Variants in ZDHHC14 observed in about 807,000 individuals in gnomAD.
ZDHHC14 encodes palmitoyltransferase ZDHHC14.
A neutral mutation model predicts 47.7 loss-of-function variants in ZDHHC14; 16 were observed. The ratio of observed to expected loss-of-function variants is 0.34; its 90% CI spans 0.23 to 0.51. ZDHHC14 has a LOEUF of 0.51. Ranked by LOEUF, ZDHHC14 falls within the 20% of genes least tolerant of loss-of-function variation. The pLI is 0.97. For synonymous variants in ZDHHC14, 293 were observed against 278.9 expected (o/e 1.05, Z -0.50); for missense variants, 515 against 662.5 (o/e 0.78, Z 2.44).
intron 5 of ZDHHC14, among the ~76,000 whole-genome samples, chr6:157,642,023 A>AAGATAGATAGATAGATAGAT (rs77223982): frequency 3.4e-5 from 5 of 146,608 alleles, no homozygotes; most frequent in East Asian, 2.1e-4. Flanking sequence ...GTATATTTTG[A>AAGATAGATAGATAGATAGAT]AGATAGATAG....
intron 1 of ZDHHC14, among the ~76,000 whole-genome samples, chr6:157,508,808 C>T (rs1185543970): frequency 6.6e-6 from 1 of 151,890 alleles, no homozygotes; most frequent in Non-Finnish European, 1.5e-5. Flanking sequence ...AATTCACCTG[C>T]AATATCTTTC....
intron 1 of ZDHHC14, among the ~76,000 whole-genome samples, chr6:157,493,250 G>A (rs142330556): frequency 0.028 from 4,318 of 152,278 alleles, 98 homozygotes; most frequent in Non-Finnish European, 0.046. Flanking sequence ...AGGGGGAGGC[G>A]GAAAGGCAAG....
intron 3 of ZDHHC14, among the ~76,000 whole-genome samples, chr6:157,611,120 TC>T (rs1185810607): frequency 4.6e-5 from 7 of 152,128 alleles, no homozygotes. Context: ...TGCCTCAGCC[TC>T]CCCGAGTAGC....
Position 157,653,531 on chromosome 6 carries a change from C to T in ZDHHC14, c.972C>T (p.Ile324=), listed in dbSNP as rs1291967537. The change falls in exon 8 of 9, where the codon ATC becomes ATT. Residue 324 remains isoleucine (I), a synonymous_variant. Coordinates refer to ENST00000359775, the MANE Select transcript of ZDHHC14 (RefSeq NM_024630.3). ...ALCGPISPSL[I]DRRGYIQPDT... ...GTTTTCTTTTCTCTCGCAGCCTGAT[C>T]GACAGAAGAGGGTACATCCAGCCCG... 5 of 1,613,518 alleles carry T rather than the reference C, an allele frequency of 3.1e-6. No homozygotes were observed. Among genetic ancestry groups the T allele is most frequent in the South Asian group, 2.2e-5 (2 of 91,070 alleles).
intron 3 of ZDHHC14, among the ~76,000 whole-genome samples, chr6:157,610,857 C>T (rs901203082): frequency 2.0e-5 from 3 of 152,200 alleles, no homozygotes; most frequent in South Asian, 2.1e-4. Context: ...GCAGCCAATT[C>T]GTAATCAGAG....
chr6:157,505,200 A>G (rs1193911455), intron 1 of ZDHHC14, among the ~76,000 whole-genome samples: 1 of 152,242 alleles, frequency 6.6e-6, no homozygotes, highest in Non-Finnish European at 1.5e-5. Context: ...GTTTAAAAGC[A>G]AGGACAGTTT....
chr6:157,554,943 C>G (rs530908978), intron 2 of ZDHHC14, among the ~76,000 whole-genome samples: 1 of 152,308 alleles, frequency 6.6e-6, no homozygotes, highest in African/African-American at 2.4e-5. Context: ...ATTAGGGGTG[C>G]CTGCACCCCT....
At chr6:157,413,893 C>T (rs190475361) in intron 1 of ZDHHC14, among the ~76,000 whole-genome samples, 28 of 149,270 alleles carry the variant, frequency 1.9e-4, no homozygotes, top group African/African-American at 5.0e-4. Flanking sequence ...GACGACACTG[C>T]GCAGGTCACC....
intron 3 of ZDHHC14, among the ~76,000 whole-genome samples, chr6:157,599,349 C>G (rs9457913): frequency 0.018 from 2,750 of 152,282 alleles, 74 homozygotes; most frequent in African/African-American, 0.062. Context: ...ACGTTTGCGG[C>G]ACCACCACTG....
intron 1 of ZDHHC14, among the ~76,000 whole-genome samples, chr6:157,414,657 A>G (rs1181798016): frequency 6.6e-6 from 1 of 152,170 alleles, no homozygotes; most frequent in East Asian, 1.9e-4. Context: ...TGTCCAGGCC[A>G]CCACTGGGCA....
chr6:157,498,258 G>C (rs1562449544), intron 1 of ZDHHC14, among the ~76,000 whole-genome samples: 1 of 131,224 alleles, frequency 7.6e-6, no homozygotes, highest in Admixed American at 8.0e-5. Flanking sequence ...ACAACATAGT[G>C]AGACCACATC....
chr6:157,653,296 C>T (rs957943654), intron 7 of ZDHHC14, among the ~76,000 whole-genome samples: 9 of 152,254 alleles, frequency 5.9e-5, no homozygotes, highest in Middle Eastern at 3.4e-3. Flanking sequence ...GCAGGCGACA[C>T]GCCCTTGGCC....
At chr6:157,559,303 A>G (rs1159131284) in intron 2 of ZDHHC14, among the ~76,000 whole-genome samples, 1 of 152,204 alleles carries the variant, frequency 6.6e-6, no homozygotes, top group East Asian at 1.9e-4. Context: ...TACTGTAGCT[A>G]TTGCGTGGGC....
Position 157,658,096 on chromosome 6 carries a change from CT to C in ZDHHC14, c.1068+4470del, listed in dbSNP as rs766607818. On this transcript the variant is annotated intron_variant, in intron 8 of 8. Coordinates refer to ENST00000359775, the MANE Select transcript of ZDHHC14 (RefSeq NM_024630.3). ...AGTGTCGGCTATTATTATTATCCCCCTGAGACCCATGAGTGGCAAGATGAGC... is the reference window on the plus strand; with the variant it reads ...AGTGTCGGCTATTATTATTATCCCCCGAGACCCATGAGTGGCAAGATGAGC... Among the ~76,000 whole-genome samples, 5 of 152,198 alleles carry C rather than the reference CT, an allele frequency of 3.3e-5. No homozygotes were observed. In the South Asian group the frequency reaches 1.0e-3, roughly 32 times the overall value.
intron 4 of ZDHHC14, 89 bp from the exon 5 acceptor site, chr6:157,632,744 TA>T: frequency 8.5e-7 from 1 of 1,182,536 alleles, no homozygotes; most frequent in Non-Finnish European, 1.3e-6. Flanking sequence ...CATTGATCTT[TA>T]GCCATCTATT....
chr6:157,609,133 A>G (rs1583014293), intron 3 of ZDHHC14, among the ~76,000 whole-genome samples: 1 of 152,312 alleles, frequency 6.6e-6, no homozygotes, highest in Admixed American at 6.5e-5. Context: ...AATTCAGTGT[A>G]ACTACCTGGA....
At chr6:157,496,765 A>G (rs1386274050) in intron 1 of ZDHHC14, among the ~76,000 whole-genome samples, 1 of 152,176 alleles carries the variant, frequency 6.6e-6, no homozygotes, top group Admixed American at 6.5e-5. Flanking sequence ...GTCAGACCCT[A>G]CATTTCTGTT....
At chr6:157,533,173 T>C (rs894686707) in intron 1 of ZDHHC14, among the ~76,000 whole-genome samples, 3 of 152,188 alleles carry the variant, frequency 2.0e-5, no homozygotes, top group Non-Finnish European at 2.9e-5. Context: ...AAATAGTTAT[T>C]GTAAGGTCAA....
At chr6:157,426,529 CAG>C (rs907884396) in intron 1 of ZDHHC14, among the ~76,000 whole-genome samples, 7 of 152,086 alleles carry the variant, frequency 4.6e-5, no homozygotes, top group Non-Finnish European at 7.4e-5. Flanking sequence ...ACGGGGCACT[CAG>C]GGGGAGAAGC....
Sources: gnomAD v4.1 joint callset for allele counts (sites outside exome capture counted in the v4.1 genomes callset) on GRCh38, gnomAD v4.1.1 for gene constraint, MANE v1.5 for transcripts, NCBI Gene and HGNC (gene_info 2026-07-23, HGNC 2026-07-21) for gene names.